The following ZNF396 variants were observed in gnomAD, a reference collection of about 807,000 sequenced individuals.
ZNF396 encodes zinc finger and SCAN domain-containing protein 14.
A neutral mutation model predicts 20.5 loss-of-function variants in ZNF396; 14 were observed. That is an observed-to-expected ratio of 0.68 (90% CI 0.45 to 1.07). The LOEUF is 1.07. Ranked by LOEUF, ZNF396 falls within the 50% of genes least tolerant of loss-of-function variation. ZNF396 has a pLI of 0.00. For missense variants in ZNF396, 347 were observed against 390.1 expected, an observed-to-expected ratio of 0.89 and a Z score of 0.93; for synonymous variants, 119 against 140.6, an observed-to-expected ratio of 0.85 and a Z score of 1.08.
chr18:35,377,016 G>A (rs1324772373), intron 1 of ZNF396, among the ~76,000 whole-genome samples: 1 of 152,162 alleles, frequency 6.6e-6, no homozygotes, highest in African/African-American at 2.4e-5. Context: ...GGGGCGAAGC[G>A]GCAGGTGGCG....
Position 35,368,536 on chromosome 18 carries a change from C to G in ZNF396, c.*679G>C. 1.7e-6 allele frequency: 1 copy of G among 588,736 alleles called. No individual in the cohort carries two copies. Among genetic ancestry groups the G allele is most frequent in the Non-Finnish European group, 2.3e-6 (1 of 444,354 alleles). The allele number at this position is 588,736 out of a possible 1,614,324, so 36.5% of individuals were successfully genotyped here. On this transcript the variant is annotated 3_prime_UTR_variant, in exon 4 of 4. Coordinates refer to ENST00000589332, the MANE Select transcript of ZNF396 (RefSeq NM_001322286.2). ...TTTATTTTAAAGACGGAGTCTTGCT[C>G]TGTCTGAGCGGTTCAAGCAATTTTC...
rs1460736347 is a variant in ZNF396, at chr18:35,367,939, G to A, written c.*1276C>T. On this transcript the variant is annotated 3_prime_UTR_variant, in exon 4 of 4. Transcript: ENST00000589332. ...GACTCTGAAAAGGTTGTCTTGTGATGCTTGAAACATATTCATAGTTGATTT... is the reference window on the plus strand; with the variant it reads ...GACTCTGAAAAGGTTGTCTTGTGATACTTGAAACATATTCATAGTTGATTT... 3 of 152,362 alleles carry A rather than the reference G, an allele frequency of 2.0e-5. No homozygotes were observed. The highest frequency in any genetic ancestry group is 7.2e-5 in the African/African-American group (3 of 41,432). The allele number at this position is 152,362 out of a possible 1,614,324, so 9.4% of individuals were successfully genotyped here.
Position 35,369,109 on chromosome 18 carries a change from CTG to C in ZNF396, c.*104_*105del. 6.9e-7 allele frequency: 1 copy of C among 1,441,408 alleles called. No homozygotes were observed. The highest frequency in any genetic ancestry group is 9.1e-7 in the Non-Finnish European group (1 of 1,099,498). The allele number at this position is 1,441,408 out of a possible 1,614,324, so 89.3% of individuals were successfully genotyped here. On this transcript the variant is annotated 3_prime_UTR_variant, in exon 4 of 4. Transcript: ENST00000589332. ...GGCTTTCATGAGTCTTGAAAGGAGACTGGTGCTTACTAAGACCACTGATTTGT... is the reference window on the plus strand; with the variant it reads ...GGCTTTCATGAGTCTTGAAAGGAGACGTGCTTACTAAGACCACTGATTTGT...
In ZNF396 at chr18:35,367,338, C is replaced by T. The variant is rs568365630; in HGVS notation, c.*1877G>A. 1 of 152,270 alleles carries T rather than the reference C, an allele frequency of 6.6e-6. No individual in the cohort carries two copies. Among genetic ancestry groups the T allele is most frequent in the East Asian group, 1.9e-4 (1 of 5,190 alleles). 9.4% of individuals were successfully genotyped at this position (152,270 alleles called of 1,614,324 possible). On this transcript the variant is annotated 3_prime_UTR_variant, in exon 4 of 4. Transcript: ENST00000589332. The stretch of plus-strand genomic sequence containing the variant: ...ACTAACTAAGCAGAGTGTGGTAATT[C>T]CACATATTTGGAGCTCCTCTAAGCC...
In ZNF396 at chr18:35,373,952, T is replaced by A; in HGVS notation, c.341A>T (p.Lys114Met). The stretch of plus-strand genomic sequence containing the variant: ...TTCCTCTCCATTCTCTGGATGATGC[T>A]TCTGCACCCAGGCCTGAAGCTCTTT... ...LPKELQAWVQ[K>M]HHPENGEETV... Residue 114 changes from lysine to methionine, a missense_variant, in exon 2 of 4, where the codon AAG (lysine) becomes ATG (methionine). Physicochemically the swap from Lys to Met is moderately conservative, Grantham distance 95. Coordinates refer to ENST00000589332, the MANE Select transcript of ZNF396 (RefSeq NM_001322286.2). 6.2e-7 allele frequency: 1 copy of A among 1,614,228 alleles called. No homozygotes were observed. The highest frequency in any genetic ancestry group is 1.1e-5 in the South Asian group (1 of 91,088).
chr18:35,376,401 T>A (rs1430870277), intron 1 of ZNF396: 1 of 152,206 alleles, frequency 6.6e-6, no homozygotes, highest in Non-Finnish European at 1.5e-5. Flanking sequence ...TTTACCCCCA[T>A]GTTGTAGACG....
At chr18:35,375,719 T>C (rs753017498) in intron 1 of ZNF396, among the ~76,000 whole-genome samples, 4 of 152,144 alleles carry the variant, frequency 2.6e-5, no homozygotes, top group African/African-American at 9.7e-5. Flanking sequence ...GTATCACCAG[T>C]AACTAATCTC....
chr18:35,369,427 G>A lies in ZNF396; in HGVS notation c.796C>T (p.Leu266Phe). The change falls in exon 4 of 4, where the codon CTT becomes TTT. Residue 266 changes from leucine to phenylalanine, a missense_variant. Leu to Phe is a conservative substitution (Grantham distance 22). Coordinates refer to ENST00000589332, the MANE Select transcript of ZNF396 (RefSeq NM_001322286.2). ...CGKIFSQSSALILHQRIHSGK... is the reference protein window; with the variant it reads ...CGKIFSQSSAFILHQRIHSGK... ...CTGTGGATTCTCTGATGTAAAATAA[G>A]GGCTGAGCTCTGACTAAAGATTTTG... The A allele has an allele frequency of 6.2e-7, 1 of 1,614,192 alleles. No homozygotes were observed. The highest frequency in any genetic ancestry group is 8.5e-7 in the Non-Finnish European group (1 of 1,180,026).
intron 1 of ZNF396, among the ~76,000 whole-genome samples, chr18:35,376,735 C>G (rs2045263363): frequency 6.6e-6 from 1 of 152,196 alleles, no homozygotes; most frequent in Non-Finnish European, 1.5e-5. Flanking sequence ...AAGAGAGTGG[C>G]CGCCCTGTCA....
chr18:35,372,761 A>T (rs2045199591), intron 3 of ZNF396: 1 of 152,222 alleles, frequency 6.6e-6, no homozygotes, highest in Admixed American at 6.5e-5. Flanking sequence ...CCAATATATA[A>T]AACAGACGAA....
intron 3 of ZNF396, 41 bp from the exon 4 acceptor site, chr18:35,369,701 T>C (rs1371832700): frequency 6.5e-7 from 1 of 1,530,776 alleles, no homozygotes; most frequent in Non-Finnish European, 8.8e-7. Context: ...AGAGAAAGGA[T>C]GATCCAAATG....
Position 35,373,691 on chromosome 18 carries a change from T to C in ZNF396, c.418-91A>G, listed in dbSNP as rs117079470. The C allele has an allele frequency of 7.6e-3, 11,614 of 1,537,626 alleles. 67 individuals are homozygous for C. The highest frequency in any genetic ancestry group is 8.7e-3 in the Non-Finnish European group (9,985 of 1,144,318). On this transcript the variant is annotated intron_variant, in intron 2 of 3. Transcript: ENST00000589332. ...AGAAGAAACTATGCAAAAAGTATCA[T>C]GGACACAGGAAAAGGGAGGGAAAAA...
chr18:35,370,160 C>T (rs1432639857), intron 3 of ZNF396, among the ~76,000 whole-genome samples: 1 of 151,908 alleles, frequency 6.6e-6, no homozygotes, highest in African/African-American at 2.4e-5. Context: ...ATAAGTTAGG[C>T]CAATAAAGGG....
At position 35,369,153 on chromosome 18, in the gene ZNF396, A is replaced by G. The variant is rs527570507; in HGVS notation, c.*62T>C. ...CTGATTTGTACTAAGGAGCGTTTGC[A>G]TCTGGTGTCTTCCCTTGTGCTGAAA... On this transcript the variant is annotated 3_prime_UTR_variant, in exon 4 of 4. Coordinates refer to ENST00000589332, the MANE Select transcript of ZNF396 (RefSeq NM_001322286.2). 242 of 1,470,286 alleles carry G rather than the reference A, an allele frequency of 1.6e-4. 1 individual carries two copies. Among genetic ancestry groups the G allele is most frequent in the Admixed American group, 1.6e-4 (6 of 36,660 alleles). 91.1% of individuals were successfully genotyped at this position (1,470,286 alleles called of 1,614,324 possible). A position where few individuals can be genotyped will look rare whatever the true frequency, so the allele number is the denominator to read the frequency against.
intron 3 of ZNF396, 101 bp downstream of exon 3, chr18:35,373,355 G>A: frequency 7.2e-7 from 1 of 1,386,966 alleles, no homozygotes; most frequent in Non-Finnish European, 9.6e-7. Flanking sequence ...GAGGAGATGA[G>A]AGGGGGAGAT....
intron 3 of ZNF396, chr18:35,373,068 C>T (rs751014873): frequency 1.3e-5 from 3 of 222,988 alleles, no homozygotes; most frequent in African/African-American, 2.3e-5. Context: ...GCAATATAGG[C>T]GATTCTGCTA....
intron 3 of ZNF396, chr18:35,372,254 T>G (rs1341677006): frequency 6.6e-6 from 1 of 152,190 alleles, no homozygotes; most frequent in Non-Finnish European, 1.5e-5. Flanking sequence ...CACACCAAGC[T>G]GCTGAGGCTG....
chr18:35,373,412 G>C (rs1285111627), intron 3 of ZNF396, 44 bp downstream of exon 3: 2 of 1,591,084 alleles, frequency 1.3e-6, no homozygotes, highest in African/African-American at 2.7e-5. Context: ...GGTGAGCAGA[G>C]GGCCCCCACA....
intron 1 of ZNF396, chr18:35,376,290 A>T (rs1232587177): frequency 1.3e-5 from 2 of 152,272 alleles, no homozygotes; most frequent in Non-Finnish European, 2.9e-5. Context: ...AAACAATAGC[A>T]GACACACATA....
Sources: gnomAD v4.1 joint callset for allele counts (sites outside exome capture counted in the v4.1 genomes callset) on GRCh38, gnomAD v4.1.1 for gene constraint, MANE v1.5 for transcripts, NCBI Gene and HGNC (gene_info 2026-07-23, HGNC 2026-07-21) for gene names.